POLR3B: variants seen among roughly 807,000 people sequenced by gnomAD.
POLR3B encodes the protein DNA-directed RNA polymerase III subunit RPC2.
POLR3B carries 96 observed loss-of-function variants against 147.4 expected under a neutral mutation model. The ratio of observed to expected loss-of-function variants is 0.65; its 90% confidence interval spans 0.55 to 0.77. POLR3B has a LOEUF of 0.77. POLR3B is among the 30% of genes least tolerant of loss of function. The pLI, the probability that POLR3B is intolerant of heterozygous loss-of-function variation, is 0.00. For missense variants in POLR3B, 1,036 were observed against 1,413.5 expected (o/e 0.73, Z 4.28); for synonymous variants, 461 against 485.9 (o/e 0.95, Z 0.67).
intron 21 of POLR3B, among the ~76,000 whole-genome samples, chr12:106,458,375 C>G (rs1228709425): frequency 6.6e-6 from 1 of 152,096 alleles, no homozygotes; most frequent in Non-Finnish European, 1.5e-5. Context: ...CCACCCACCT[C>G]GGCTTCCCAA....
At chr12:106,369,156 A>G in intron 4 of POLR3B, 119 bp from the exon 5 acceptor site, 3 of 750,594 alleles carry the variant, frequency 4.0e-6, no homozygotes, top group South Asian at 2.8e-5. Context: ...TTAATTTGTC[A>G]TCCTTACCAA....
chr12:106,358,802 GT>G (rs1444074651), intron 1 of POLR3B, among the ~76,000 whole-genome samples: 1 of 152,170 alleles, frequency 6.6e-6, no homozygotes, highest in Admixed American at 6.5e-5. Context: ...AAAAGACAGG[GT>G]TAAGTAAGGG....
chr12:106,378,406 T>C, intron 8 of POLR3B, 22 bp downstream of exon 8: 1 of 1,447,042 alleles, frequency 6.9e-7, no homozygotes, highest in East Asian at 2.3e-5. Flanking sequence ...AGAGATGGTG[T>C]CCTTAAGCAA....
intron 18 of POLR3B, 87 bp from the exon 19 acceptor site, chr12:106,444,376 C>T: frequency 7.6e-7 from 1 of 1,316,578 alleles, no homozygotes; most frequent in Non-Finnish European, 1.1e-6. Flanking sequence ...CCTGGAGGAC[C>T]TAGATAACAA....
At chr12:106,497,852 C>G (rs1042606467) in intron 25 of POLR3B, among the ~76,000 whole-genome samples, 2 of 152,186 alleles carry the variant, frequency 1.3e-5, no homozygotes, top group Non-Finnish European at 2.9e-5. Context: ...ACTATAACCC[C>G]ATACTGCCCA....
At chr12:106,449,450 T>C (rs2037769708) in intron 19 of POLR3B, among the ~76,000 whole-genome samples, 1 of 152,160 alleles carries the variant, frequency 6.6e-6, no homozygotes, top group Non-Finnish European at 1.5e-5. Flanking sequence ...TGTGTATAAC[T>C]TTTGACTCCC....
intron 9 of POLR3B, among the ~76,000 whole-genome samples, chr12:106,387,825 G>C (rs1177443613): frequency 6.6e-6 from 1 of 152,198 alleles, no homozygotes; most frequent in African/African-American, 2.4e-5. Flanking sequence ...AGAATTTTAA[G>C]AGAGTTGCTG....
rs759140884 is a variant in POLR3B at position 106,437,786 on chromosome 12, A to G, written c.1955+7A>G. 17 of 1,457,282 alleles carry G rather than the reference A, an allele frequency of 1.2e-5. No individual in the cohort carries two copies. The highest frequency in any genetic ancestry group is 1.4e-5 in the Non-Finnish European group (15 of 1,037,462). The allele number at this position is 1,457,282 out of a possible 1,614,324, so 90.3% of individuals were successfully genotyped here. ...ACGAACACACAATTAATAAGTAAGT[A>G]GGATCCATAGCAACCATAATTAAAA... On this transcript the variant is annotated splice_region_variant and intron_variant, in intron 18 of 27. Transcript: ENST00000228347.
At chr12:106,371,094 A>G (rs2036600508) in intron 6 of POLR3B, among the ~76,000 whole-genome samples, 2 of 152,206 alleles carry the variant, frequency 1.3e-5, no homozygotes, top group Admixed American at 6.5e-5. Flanking sequence ...GAGGGTTTAA[A>G]TCCTGGTTTA....
chr12:106,417,561 T>A (rs922066301), intron 12 of POLR3B, among the ~76,000 whole-genome samples: 1 of 152,052 alleles, frequency 6.6e-6, no homozygotes, highest in South Asian at 2.1e-4. Flanking sequence ...AGATGAGAGA[T>A]AGTGCGGCTG....
At chr12:106,371,869 G>A (rs2036612633) in intron 6 of POLR3B, among the ~76,000 whole-genome samples, 4 of 151,614 alleles carry the variant, frequency 2.6e-5, no homozygotes, top group Admixed American at 6.6e-5. Flanking sequence ...CAGCACACCA[G>A]CATGGCACAT....
chr12:106,412,827 G>A (rs1038814716), intron 12 of POLR3B, among the ~76,000 whole-genome samples: 2 of 152,110 alleles, frequency 1.3e-5, no homozygotes, highest in Non-Finnish European at 2.9e-5. Flanking sequence ...TCTTGTTTCA[G>A]CTCTCATACT....
At chr12:106,361,792 A>C (rs1027390473) in intron 1 of POLR3B, among the ~76,000 whole-genome samples, 3 of 152,178 alleles carry the variant, frequency 2.0e-5, no homozygotes, top group Admixed American at 2.0e-4. Context: ...GCAGAGAAAA[A>C]GAGGTGTGAC....
intron 23 of POLR3B, among the ~76,000 whole-genome samples, chr12:106,467,904 C>A (rs1487314598): frequency 6.6e-6 from 1 of 152,126 alleles, no homozygotes; most frequent in Non-Finnish European, 1.5e-5. Flanking sequence ...GGATATTGGC[C>A]TAAAATTCTC....
chr12:106,477,586 G>C (rs555634202), intron 23 of POLR3B, among the ~76,000 whole-genome samples: 353 of 152,156 alleles, frequency 2.3e-3, no homozygotes, highest in Middle Eastern at 0.014. Flanking sequence ...TTTTAAGCCG[G>C]TCTGAAAAGC....
chr12:106,505,336 G>A (rs1018227848), intron 27 of POLR3B, among the ~76,000 whole-genome samples: 2 of 152,080 alleles, frequency 1.3e-5, no homozygotes, highest in African/African-American at 2.4e-5. Flanking sequence ...CACCCAGGCT[G>A]CAGTGCGGTG....
chr12:106,496,226 AGTGAGTGGAGGTGACGAG>A (rs1266912932), intron 24 of POLR3B, 68 bp downstream of exon 24: 2 of 961,892 alleles, frequency 2.1e-6, no homozygotes, highest in African/African-American at 1.6e-5. Flanking sequence ...GTTTAGTTAG[AGTGAGTGGAGGTGACGAG>A]GACTCTGAAG....
intron 10 of POLR3B, among the ~76,000 whole-genome samples, chr12:106,395,580 G>A (rs1371655145): frequency 2.0e-5 from 3 of 152,140 alleles, no homozygotes; most frequent in Non-Finnish European, 4.4e-5. Flanking sequence ...ACAATTTGAC[G>A]TGAGGTTTGG....
Position 106,410,961 on chromosome 12 carries a change from G to C in POLR3B, c.1101+1G>C, listed in dbSNP as rs773891661. The C allele has an allele frequency of 3.7e-6, 6 of 1,610,692 alleles. No homozygotes were observed. Among genetic ancestry groups the C allele is most frequent in the Non-Finnish European group, 5.1e-6 (6 of 1,177,228 alleles). ...CAAGCGACTGGAATTGGCAGGACAG[G>C]TGATTTAATATTTTATGTCAGAAAT... On this transcript the variant is annotated splice_donor_variant, in intron 12 of 27. Coordinates refer to ENST00000228347, the MANE Select transcript of POLR3B (RefSeq NM_018082.6). LOFTEE classifies it high-confidence loss of function.
Sources: gnomAD v4.1 joint callset for allele counts (sites outside exome capture counted in the v4.1 genomes callset) on GRCh38, gnomAD v4.1.1 for gene constraint, MANE v1.5 for transcripts, NCBI Gene and HGNC (gene_info 2026-07-23, HGNC 2026-07-21) for gene names.